The following SAMD5 variants were observed in gnomAD, a reference collection of about 807,000 sequenced individuals.
SAMD5 encodes sterile alpha motif domain containing 5.
Under a neutral mutation model 11.3 loss-of-function variants are expected in SAMD5, and 13 were observed. That is an observed-to-expected ratio of 1.15 (90% CI 0.75 to 1.83). The LOEUF is 1.83. Ranked by LOEUF, SAMD5 falls within the 40% of genes most tolerant of loss-of-function variation. SAMD5 has a pLI of 0.00. For missense variants in SAMD5, 255 were observed against 239.1 expected, an observed-to-expected ratio of 1.07 and a Z score of -0.44; for synonymous variants, 129 against 111.3, an observed-to-expected ratio of 1.16 and a Z score of -1.00.
rs149092546 is a variant in SAMD5 at position 147,714,131 on chromosome 6, G to A, written c.163-23186G>A. Among the ~76,000 whole-genome samples the A allele has an allele frequency of 9.2e-5, 14 of 152,274 alleles. No homozygotes were observed. In the East Asian group the frequency reaches 2.3e-3, roughly 25 times the overall value. Reference sequence around the variant, plus strand: ...ATTGTGTTGAGTGAAGTTCAGTGACGATACTAAATAGGCCCCCTCCCACCT... The same window carrying A: ...ATTGTGTTGAGTGAAGTTCAGTGACAATACTAAATAGGCCCCCTCCCACCT... On this transcript the variant is annotated intron_variant, in intron 1 of 1. Transcript: ENST00000566741.
intron 1 of SAMD5, among the ~76,000 whole-genome samples, chr6:147,658,024 C>A (rs1201991825): frequency 5.3e-5 from 8 of 152,160 alleles, no homozygotes; most frequent in African/African-American, 1.9e-4. Flanking sequence ...AATAAAATAT[C>A]TTTAAAAATG....
the SAMD5 span, among the ~76,000 whole-genome samples, chr6:147,832,886 G>C: frequency 2.0e-5 from 3 of 152,282 alleles, no homozygotes; most frequent in East Asian, 5.8e-4. Flanking sequence ...TTGTGAGCTA[G>C]TCACTAAGCT....
At chr6:147,795,298 G>A in the SAMD5 span, among the ~76,000 whole-genome samples, 2 of 144,174 alleles carry the variant, frequency 1.4e-5, no homozygotes, top group South Asian at 4.4e-4. Flanking sequence ...TCCCACCTAT[G>A]AGTGAGAATA....
At chr6:147,515,469 C>CATCA (rs1325741011) in intron 1 of SAMD5, among the ~76,000 whole-genome samples, 5 of 151,254 alleles carry the variant, frequency 3.3e-5, no homozygotes, top group Admixed American at 1.3e-4. Flanking sequence ...TCCATCCATC[C>CATCA]ATCCATTCAT....
chr6:147,528,469 T>C (rs1322556638), intron 1 of SAMD5, among the ~76,000 whole-genome samples: 1 of 152,134 alleles, frequency 6.6e-6, no homozygotes, highest in African/African-American at 2.4e-5. Flanking sequence ...ACACCAGTCA[T>C]ATTGTATTGG....
intron 1 of SAMD5, chr6:147,660,573 G>A (rs1614473): frequency 0.22 from 34,013 of 152,112 alleles, 4,358 homozygotes; most frequent in Non-Finnish European, 0.29. Flanking sequence ...CCCCATATTG[G>A]AGGAGGGGCC....
chr6:147,888,495 G>T, the SAMD5 span, among the ~76,000 whole-genome samples: 81 of 152,212 alleles, frequency 5.3e-4, 1 homozygote, highest in South Asian at 0.014. Flanking sequence ...TTGGGGCATT[G>T]TCTTTTAGTT....
At position 147,567,420 on chromosome 6, in the gene SAMD5, T is replaced by C; in HGVS notation, c.*2964T>C. ...CTGAGTTTAAATTCTAAAATTATTC[T>C]AGTAGTATTTTCCTGCGGTGAATCT... On this transcript the variant is annotated 3_prime_UTR_variant, in exon 2 of 2. Transcript: ENST00000367474. 1.0e-6 allele frequency: 1 copy of C among 984,432 alleles called. No homozygotes were observed. Among genetic ancestry groups the C allele is most frequent in the African/African-American group, 1.7e-5 (1 of 57,342 alleles). 61.0% of individuals were successfully genotyped at this position (984,432 alleles called of 1,614,324 possible). A position where few individuals can be genotyped will look rare whatever the true frequency, so the allele number is the denominator to read the frequency against.
intron 1 of SAMD5, among the ~76,000 whole-genome samples, chr6:147,629,058 A>G (rs4527730): frequency 0.16 from 24,487 of 152,160 alleles, 2,399 homozygotes; most frequent in East Asian, 0.29. Flanking sequence ...TGGGAGGCCA[A>G]GGTGGGAGGA....
the SAMD5 span, among the ~76,000 whole-genome samples, chr6:147,819,145 C>T: frequency 2.0e-5 from 3 of 152,160 alleles, no homozygotes; most frequent in African/African-American, 7.2e-5. Flanking sequence ...TACTATGCAG[C>T]CTTAAAAAGG....
At chr6:147,644,172 T>C (rs892356211) in intron 1 of SAMD5, among the ~76,000 whole-genome samples, 11 of 152,070 alleles carry the variant, frequency 7.2e-5, no homozygotes, top group Non-Finnish European at 1.6e-4. Context: ...AAGTGTCTGC[T>C]CCTGAAATGC....
At chr6:147,670,481 G>A (rs572838972) in intron 1 of SAMD5, among the ~76,000 whole-genome samples, 1 of 152,314 alleles carries the variant, frequency 6.6e-6, no homozygotes, top group East Asian at 1.9e-4. Context: ...CCAATAGAAG[G>A]CTGCTTCATG....
chr6:147,757,285 T>C, the SAMD5 span, among the ~76,000 whole-genome samples: 1 of 152,190 alleles, frequency 6.6e-6, no homozygotes, highest in Non-Finnish European at 1.5e-5. Context: ...TTCAGGGTGC[T>C]ACTATAGGGG....
chr6:147,851,347 A>C, the SAMD5 span, among the ~76,000 whole-genome samples: 1 of 152,182 alleles, frequency 6.6e-6, no homozygotes, highest in Middle Eastern at 3.2e-3. Context: ...AACATAGTCT[A>C]TATGGGGGTT....
chr6:147,774,823 T>C, the SAMD5 span, among the ~76,000 whole-genome samples: 1 of 152,144 alleles, frequency 6.6e-6, no homozygotes, highest in Non-Finnish European at 1.5e-5. Context: ...ATGATGTTTC[T>C]TGCAATTTTA....
the SAMD5 span, among the ~76,000 whole-genome samples, chr6:147,847,842 G>C: frequency 6.6e-6 from 1 of 152,124 alleles, no homozygotes; most frequent in African/African-American, 2.4e-5. Flanking sequence ...GACAGAGCAA[G>C]ACTCCATCTC....
the SAMD5 span, among the ~76,000 whole-genome samples, chr6:147,787,217 A>G: frequency 8.5e-5 from 13 of 152,136 alleles, no homozygotes; most frequent in Non-Finnish European, 1.6e-4. Flanking sequence ...TTTCTTTCCA[A>G]TTGCCCATGG....
chr6:147,635,964 G>A (rs1790225462), intron 1 of SAMD5, among the ~76,000 whole-genome samples: 1 of 152,162 alleles, frequency 6.6e-6, no homozygotes, highest in South Asian at 2.1e-4. Context: ...TCTGGCAATA[G>A]TATCTATTAC....
chr6:147,528,936 C>T (rs2092394497), intron 1 of SAMD5, among the ~76,000 whole-genome samples: 1 of 152,234 alleles, frequency 6.6e-6, no homozygotes, highest in African/African-American at 2.4e-5. Flanking sequence ...TCCCAATTCA[C>T]ATGGTCCTGA....
Sources: allele counts gnomAD v4.1 joint callset (sites outside exome capture counted in the v4.1 genomes callset), GRCh38; gene constraint gnomAD v4.1.1; transcripts MANE v1.5; gene names NCBI Gene and HGNC (gene_info 2026-07-23, HGNC 2026-07-21).